ARMC9: variants seen among roughly 807,000 people sequenced by gnomAD.
The protein encoded by ARMC9 is lisH domain-containing protein ARMC9.
Under a neutral mutation model 107.0 loss-of-function variants are expected in ARMC9, and 94 were observed. That is an observed-to-expected ratio of 0.88 (90% CI 0.74 to 1.04). The LOEUF is 1.04. ARMC9 is among the 50% of genes least tolerant of loss of function. The pLI, the probability that ARMC9 is intolerant of heterozygous loss-of-function variation, is 0.00. For missense variants in ARMC9, 942 were observed against 1,030.1 expected, an observed-to-expected ratio of 0.91 and a Z score of 1.17; for synonymous variants, 380 against 396.9, an observed-to-expected ratio of 0.96 and a Z score of 0.51.
At chr2:231,252,208 A>G (rs1234157063) in intron 9 of ARMC9, among the ~76,000 whole-genome samples, 1 of 152,214 alleles carries the variant, frequency 6.6e-6, no homozygotes, top group Non-Finnish European at 1.5e-5. Context: ...TAACCAGCCA[A>G]TATCACTAAT....
rs578094775 is a variant in ARMC9 at position 231,369,940 on chromosome 2, C to T, written c.2262-13C>T. 16 of 1,473,028 alleles carry T rather than the reference C, an allele frequency of 1.1e-5. No individual in the cohort carries two copies. The highest frequency in any genetic ancestry group is 2.6e-5 in the South Asian group (2 of 76,048). The allele number at this position is 1,473,028 out of a possible 1,614,324, so 91.2% of individuals were successfully genotyped here. On this transcript the variant is annotated splice_polypyrimidine_tract_variant and intron_variant, in intron 23 of 24. Transcript: ENST00000611582. ...GTAGTAGCTGGGACTCCAGGTTGCACGTTTTGTTCTAGGGAATGTGCATCA... is the reference window on the plus strand; with the variant it reads ...GTAGTAGCTGGGACTCCAGGTTGCATGTTTTGTTCTAGGGAATGTGCATCA...
chr2:231,256,914 C>T (rs1328581869), intron 10 of ARMC9, among the ~76,000 whole-genome samples: 1 of 152,208 alleles, frequency 6.6e-6, no homozygotes, highest in Non-Finnish European at 1.5e-5. Context: ...GAACCTCCGC[C>T]TCCTGGGTTC....
At chr2:231,232,743 G>A (rs75502293) in intron 7 of ARMC9, among the ~76,000 whole-genome samples, 11,443 of 150,978 alleles carry the variant, frequency 0.076, 573 homozygotes, top group South Asian at 0.22. Flanking sequence ...GAGCCACTGC[G>A]CCCGGCCTTT....
chr2:231,270,042 G>A (rs1175993896), intron 12 of ARMC9, among the ~76,000 whole-genome samples: 2 of 152,054 alleles, frequency 1.3e-5, no homozygotes, highest in Non-Finnish European at 2.9e-5. Context: ...TGGGTGGGCC[G>A]TTTGCTGGGA....
chr2:231,271,062 AC>A lies in ARMC9; in HGVS notation c.1201del (p.Leu401TrpfsTer22). 1 of 1,614,110 alleles carries A rather than the reference AC, an allele frequency of 6.2e-7. No homozygotes were observed. Among genetic ancestry groups the A allele is most frequent in the Non-Finnish European group, 8.5e-7 (1 of 1,180,018 alleles). On this transcript the variant is annotated frameshift_variant, in exon 13 of 25. Coordinates refer to ENST00000611582, the MANE Select transcript of ARMC9 (RefSeq NM_001352754.2). LOFTEE classifies it high-confidence loss of function. ...MARLINAFASLAEGRLYLAQN... is the reference protein window; with the variant it reads ...MARLINAFASXAEGRLYLAQN... ...CCAGGCTCATCAATGCTTTTGCGTC[AC>A]TGGCAGAAGGTGAGACATCAGCTTT...
At chr2:231,243,256 A>AT (rs917595367) in intron 9 of ARMC9, among the ~76,000 whole-genome samples, 1 of 151,728 alleles carries the variant, frequency 6.6e-6, no homozygotes, top group African/African-American at 2.4e-5. Flanking sequence ...CAAAAAAAAA[A>AT]AAAAAAATTA....
rs372199720 is a variant in ARMC9 at position 231,273,007 on chromosome 2, G to T, written c.1263G>T (p.Arg421Ser). Residue 421 changes from arginine (R) to serine (S), a missense_variant, in exon 14 of 25, where the codon AGG (arginine) becomes AGT (serine). By Grantham distance (110) the Arg-to-Ser change is moderately radical. Transcript: ENST00000611582. ...NTKVLQMLEG[R>S]LKEEDKDIIT... ...AGGTGCTGCAGATGCTGGAGGGAAG[G>T]CTGAAGGAGGAGGACAAGGATATCA... 5.0e-6 allele frequency: 8 copies of T among 1,613,926 alleles called. No individual in the cohort carries two copies. The African/African-American group carries it at 8.0e-5, about 16-fold the overall frequency.
chr2:231,283,156 C>T (rs1372294910), intron 17 of ARMC9, among the ~76,000 whole-genome samples: 1 of 151,912 alleles, frequency 6.6e-6, no homozygotes, highest in East Asian at 1.9e-4. Context: ...GATCCCAGAG[C>T]AGGGAGAAAA....
rs966479830 is a variant in ARMC9, at chr2:231,373,192, A to C, written c.*1657A>C. 3.9e-5 allele frequency: 6 copies of C among 152,318 alleles called. No individual in the cohort carries two copies. Among genetic ancestry groups the C allele is most frequent in the Non-Finnish European group, 7.3e-5 (5 of 68,066 alleles). 9.4% of individuals were successfully genotyped at this position (152,318 alleles called of 1,614,324 possible). ...CCCGGAGGCATTGGGAGCAAACACA[A>C]AGCTCGCCCCTGGTGTCAGTGGTGC... On this transcript the variant is annotated 3_prime_UTR_variant, in exon 25 of 25. Coordinates refer to ENST00000611582, the MANE Select transcript of ARMC9 (RefSeq NM_001352754.2). This position sits in a 1 kb window ranked among gnomAD's most constrained non-coding sequence, Gnocchi z 4.4.
At chr2:231,324,312 A>G (rs1415231045) in intron 19 of ARMC9, among the ~76,000 whole-genome samples, 17 of 150,756 alleles carry the variant, frequency 1.1e-4, no homozygotes, top group Admixed American at 6.6e-4. Context: ...ATTTTTAGTA[A>G]AGACGGGGTT....
intron 16 of ARMC9, among the ~76,000 whole-genome samples, chr2:231,280,999 G>A (rs1308947572): frequency 1.3e-5 from 2 of 152,140 alleles, no homozygotes; most frequent in African/African-American, 2.4e-5. Context: ...GGTGGGAAAC[G>A]AGCCCTCCTC....
At chr2:231,266,659 T>C (rs907706495) in intron 12 of ARMC9, among the ~76,000 whole-genome samples, 5 of 152,238 alleles carry the variant, frequency 3.3e-5, no homozygotes, top group Non-Finnish European at 7.3e-5. Context: ...TCTGTCTCTA[T>C]GATTGTGACT....
At chr2:231,224,803 A>G (rs561836973) in intron 6 of ARMC9, among the ~76,000 whole-genome samples, 2 of 152,240 alleles carry the variant, frequency 1.3e-5, no homozygotes, top group Admixed American at 6.5e-5. Flanking sequence ...CTCTTAGCCA[A>G]ACTGGAGCTT....
At chr2:231,359,426 G>A (rs1395407422) in intron 22 of ARMC9, among the ~76,000 whole-genome samples, 1 of 152,054 alleles carries the variant, frequency 6.6e-6, no homozygotes, top group African/African-American at 2.4e-5. Flanking sequence ...AGTCTTCAGT[G>A]TGGCCTGTGC....
intron 20 of ARMC9, among the ~76,000 whole-genome samples, chr2:231,333,934 C>T (rs1437036712): frequency 6.6e-6 from 1 of 152,192 alleles, no homozygotes; most frequent in Non-Finnish European, 1.5e-5. Flanking sequence ...TCAGTAACAA[C>T]AAAAAAGCAA....
chr2:231,283,989 A>G (rs1052175107), intron 17 of ARMC9, among the ~76,000 whole-genome samples: 1 of 152,192 alleles, frequency 6.6e-6, no homozygotes, highest in African/African-American at 2.4e-5. Context: ...GCCTCCATGC[A>G]GGGATTACAT....
At chr2:231,329,163 A>G in intron 19 of ARMC9, among the ~76,000 whole-genome samples, 1 of 151,590 alleles carries the variant, frequency 6.6e-6, no homozygotes, top group Non-Finnish European at 1.5e-5. Flanking sequence ...AGATTTTAGA[A>G]TAATCTTACT....
chr2:231,239,860 C>A (rs2036119341), intron 8 of ARMC9, 83 bp from the exon 9 acceptor site: 5 of 1,146,690 alleles, frequency 4.4e-6, no homozygotes, highest in African/African-American at 1.5e-5. Context: ...GTTGAGAGAC[C>A]ACTCTAACAA....
chr2:231,234,022 C>T (rs1240999399), intron 7 of ARMC9, among the ~76,000 whole-genome samples: 1 of 151,980 alleles, frequency 6.6e-6, no homozygotes. Context: ...TCTGTGGTTA[C>T]CCAGCAAAAA....
Sources: gnomAD v4.1 joint callset for allele counts (sites outside exome capture counted in the v4.1 genomes callset) on GRCh38, gnomAD v4.1.1 for gene constraint, Gnocchi (gnomAD v3.1) non-coding constraint, MANE v1.5 for transcripts, NCBI Gene and HGNC (gene_info 2026-07-23, HGNC 2026-07-21) for gene names.